The following MARCHF1 variants were observed in gnomAD, a reference collection of about 807,000 sequenced individuals.
MARCHF1 encodes membrane associated ring-CH-type finger 1.
MARCHF1 carries 40 observed loss-of-function variants against 54.2 expected under a neutral mutation model. The ratio of observed to expected loss-of-function variants is 0.74; its 90% CI spans 0.57 to 0.96. MARCHF1 has a LOEUF of 0.96. Among genes scored for constraint, MARCHF1 ranks in the 40% least tolerant of loss-of-function variants. MARCHF1 has a pLI of 0.00. For missense variants in MARCHF1, 586 were observed against 656.5 expected (o/e 0.89, Z 1.17); for synonymous variants, 236 against 236.3 (o/e 1.00, Z 0.01).
intron 4 of MARCHF1, among the ~76,000 whole-genome samples, chr4:163,778,464 A>G (rs952743318): frequency 2.6e-5 from 4 of 152,190 alleles, no homozygotes; most frequent in African/African-American, 9.7e-5. Context: ...AATAAAGCTA[A>G]GTGAGCATCT....
At chr4:163,608,020 T>G (rs113743898) in intron 7 of MARCHF1, among the ~76,000 whole-genome samples, 4 of 152,136 alleles carry the variant, frequency 2.6e-5, no homozygotes, top group African/African-American at 7.2e-5. Flanking sequence ...ATCCTAAGAA[T>G]TATTCCCTTA....
At chr4:163,871,927 T>A (rs930184843) in intron 3 of MARCHF1, among the ~76,000 whole-genome samples, 2 of 152,180 alleles carry the variant, frequency 1.3e-5, no homozygotes, top group Non-Finnish European at 2.9e-5. Context: ...TCCAAAACAA[T>A]TGAGTTTTAT....
At chr4:164,204,810 C>T (rs1442116639) in intron 1 of MARCHF1, among the ~76,000 whole-genome samples, 1 of 152,180 alleles carries the variant, frequency 6.6e-6, no homozygotes, top group South Asian at 2.1e-4. Context: ...CCTTATTCAG[C>T]TTCATCAGAA....
intron 1 of MARCHF1, among the ~76,000 whole-genome samples, chr4:164,177,680 G>A (rs557948048): frequency 1.3e-5 from 2 of 152,106 alleles, no homozygotes; most frequent in South Asian, 4.2e-4. Context: ...AAAATGGATG[G>A]TCCCAAACCC....
intron 1 of MARCHF1, among the ~76,000 whole-genome samples, chr4:164,173,426 A>G (rs1208483047): frequency 2.0e-5 from 3 of 152,238 alleles, no homozygotes; most frequent in Non-Finnish European, 4.4e-5. Context: ...TACTTTTACA[A>G]TAGCAAATCA....
chr4:163,590,402 C>T (rs563427352), intron 7 of MARCHF1, among the ~76,000 whole-genome samples: 1 of 152,152 alleles, frequency 6.6e-6, no homozygotes, highest in Admixed American at 6.6e-5. Context: ...CAGTGTCTTT[C>T]ATATCTTCTT....
intron 1 of MARCHF1, among the ~76,000 whole-genome samples, chr4:164,236,877 A>C (rs560552282): frequency 6.6e-6 from 1 of 152,284 alleles, no homozygotes; most frequent in South Asian, 2.1e-4. Context: ...TGTGAATTTT[A>C]TATATTCCTA....
At chr4:163,543,069 C>T (rs528624489) in intron 9 of MARCHF1, among the ~76,000 whole-genome samples, 1 of 152,102 alleles carries the variant, frequency 6.6e-6, no homozygotes, top group African/African-American at 2.4e-5. Context: ...CTGGCTTCAA[C>T]TAGGTCACGG....
At chr4:164,190,384 C>A in intron 1 of MARCHF1, 1 of 501,758 alleles carries the variant, frequency 2.0e-6, no homozygotes, top group Non-Finnish European at 3.6e-6. Flanking sequence ...GACTCAGGAA[C>A]TTTCCTTAGA....
At chr4:163,704,592 G>T (rs1004942646) in intron 4 of MARCHF1, among the ~76,000 whole-genome samples, 1 of 151,152 alleles carries the variant, frequency 6.6e-6, no homozygotes, top group Non-Finnish European at 1.5e-5. Flanking sequence ...ATTTTGAAAA[G>T]TGACTCGTAA....
intron 5 of MARCHF1, among the ~76,000 whole-genome samples, chr4:163,673,620 C>A (rs756693078): frequency 1.1e-4 from 17 of 151,840 alleles, no homozygotes; most frequent in African/African-American, 4.1e-4. Context: ...GTTGTAACAT[C>A]TAAATAAAGA....
intron 2 of MARCHF1, among the ~76,000 whole-genome samples, chr4:164,040,449 T>C (rs1436489555): frequency 1.4e-5 from 2 of 147,820 alleles, no homozygotes; most frequent in Admixed American, 6.8e-5. Context: ...GGTATATCCT[T>C]GTATATTTAT....
At chr4:164,054,936 T>A (rs1465600848) in intron 2 of MARCHF1, among the ~76,000 whole-genome samples, 2 of 151,810 alleles carry the variant, frequency 1.3e-5, no homozygotes, top group African/African-American at 4.8e-5. Context: ...AATAATAATT[T>A]TAAAAAAAAG....
intron 4 of MARCHF1, among the ~76,000 whole-genome samples, chr4:163,801,284 C>T (rs867432082): frequency 7.2e-5 from 11 of 151,872 alleles, no homozygotes; most frequent in African/African-American, 2.7e-4. Flanking sequence ...TGTTTTTAGT[C>T]ATAGAAAATC....
intron 1 of MARCHF1, among the ~76,000 whole-genome samples, chr4:164,162,824 G>A (rs953579939): frequency 3.9e-5 from 6 of 151,932 alleles, no homozygotes; most frequent in Admixed American, 2.0e-4. Context: ...AGTATTTAGC[G>A]AAATTATGAA....
At chr4:164,120,932 A>T (rs1835505) in intron 1 of MARCHF1, among the ~76,000 whole-genome samples, 74,059 of 151,732 alleles carry the variant, frequency 0.49, 18,401 homozygotes, top group South Asian at 0.56. Context: ...CTAGAAAACA[A>T]GAGCAAACCA....
At chr4:164,177,814 C>T (rs1004456487) in intron 1 of MARCHF1, among the ~76,000 whole-genome samples, 1 of 150,176 alleles carries the variant, frequency 6.7e-6, no homozygotes, top group East Asian at 1.9e-4. Context: ...GAGACACACA[C>T]ACACACACAC....
At chr4:163,928,938 G>C (rs968642474) in intron 3 of MARCHF1, among the ~76,000 whole-genome samples, 7 of 151,776 alleles carry the variant, frequency 4.6e-5, no homozygotes, top group Admixed American at 3.3e-4. Flanking sequence ...TGGGACAAAG[G>C]GGAAAAAATA....
chr4:164,017,039 T>G (rs1753558174), intron 2 of MARCHF1, among the ~76,000 whole-genome samples: 2 of 152,108 alleles, frequency 1.3e-5, no homozygotes, highest in South Asian at 4.1e-4. Context: ...TAACAATACT[T>G]GAAAATCATA....
Sources: gnomAD v4.1 joint callset for allele counts (sites outside exome capture counted in the v4.1 genomes callset) on GRCh38, gnomAD v4.1.1 for gene constraint, MANE v1.5 for transcripts, NCBI Gene and HGNC (gene_info 2026-07-23, HGNC 2026-07-21) for gene names.